The following TBC1D16 variants were observed in gnomAD, a reference collection of about 807,000 sequenced individuals.
TBC1D16 encodes TBC1 domain family member 16.
A neutral mutation model predicts 74.7 loss-of-function variants in TBC1D16; 58 were observed. That is an observed-to-expected ratio of 0.78 (90% CI 0.63 to 0.97). TBC1D16 has a LOEUF of 0.97. TBC1D16 is among the 50% of genes least tolerant of loss of function. The pLI is 0.00. For synonymous variants in TBC1D16, 493 were observed against 474.7 expected, an observed-to-expected ratio of 1.04 and a Z score of -0.50; for missense variants, 1,014 against 1,079.5, an observed-to-expected ratio of 0.94 and a Z score of 0.85.
In TBC1D16 at chr17:80,008,878, T is replaced by C. The variant is rs2035773886; in HGVS notation, c.779+1282A>G. Among the ~76,000 whole-genome samples the C allele has an allele frequency of 6.6e-6, 1 of 152,200 alleles. No individual in the cohort carries two copies. Among genetic ancestry groups the C allele is most frequent in the African/African-American group, 2.4e-5 (1 of 41,452 alleles). ...CCCCTGCTGAGGCCAGCAAAGCCTG[T>C]GTCCTTACTTCATGCCCCACCACTC... is the stretch of plus-strand genomic sequence containing the variant. On this transcript the variant is annotated intron_variant, in intron 3 of 11. Coordinates refer to ENST00000310924, the MANE Select transcript of TBC1D16 (RefSeq NM_019020.4). The surrounding 1 kb of genome is among the most constrained non-coding windows in gnomAD (Gnocchi z 4.5).
In TBC1D16 at chr17:79,934,882, A is replaced by G. The variant is rs2031488477; in HGVS notation, c.*5977T>C. The G allele has an allele frequency of 6.6e-6, 1 of 152,328 alleles. No individual in the cohort carries two copies. The highest frequency in any genetic ancestry group is 2.1e-4 in the South Asian group (1 of 4,844). 9.4% of individuals were successfully genotyped at this position (152,328 alleles called of 1,614,324 possible). A position where few individuals can be genotyped will look rare whatever the true frequency, so the allele number is the denominator to read the frequency against. ...AAAGACACACAGAGAACAACAGAAA[A>G]CAGTTGGAAACCCCAAAGGGCGCTT... On this transcript the variant is annotated 3_prime_UTR_variant, in exon 12 of 12. Transcript: ENST00000310924.
chr17:80,007,542 G>A lies in TBC1D16; in HGVS notation c.779+2618C>T, dbSNP rs568660551. ...ACGGACAGGCGGACAGGGTGTCTCA[G>A]TGGGGACTCGAGTGTCAGAGCAGAG... On this transcript the variant is annotated intron_variant, in intron 3 of 11. Transcript: ENST00000310924. The surrounding 1 kb of genome is among the most constrained non-coding windows in gnomAD (Gnocchi z 4.5). Among the ~76,000 whole-genome samples, 54 of 152,346 alleles carry A rather than the reference G, an allele frequency of 3.5e-4. No individual in the cohort carries two copies. The South Asian group carries it at 9.1e-3, about 26-fold the overall frequency.
chr17:79,965,895 C>A (rs1337954864), intron 3 of TBC1D16, among the ~76,000 whole-genome samples: 1 of 152,224 alleles, frequency 6.6e-6, no homozygotes, highest in African/African-American at 2.4e-5. Flanking sequence ...GCACTGAGCC[C>A]GCCCCACACA....
intron 3 of TBC1D16, among the ~76,000 whole-genome samples, chr17:79,973,845 A>T (rs972130997): frequency 4.6e-5 from 7 of 152,146 alleles, no homozygotes; most frequent in Non-Finnish European, 8.8e-5. Flanking sequence ...ACAGAGCAAG[A>T]CCCTGTCTCA....
intron 3 of TBC1D16, among the ~76,000 whole-genome samples, chr17:79,962,502 C>A (rs1330724142): frequency 6.6e-6 from 1 of 151,888 alleles, no homozygotes; most frequent in African/African-American, 2.4e-5. Context: ...TGTGACCCAC[C>A]ACACCCGGCC....
Position 79,971,978 on chromosome 17 carries a change from T to C in TBC1D16, c.780-19160A>G, listed in dbSNP as rs2094063988. 1.3e-5 allele frequency among the ~76,000 whole-genome samples: 2 copies of C among 151,966 alleles called. No individual in the cohort carries two copies. The highest frequency in any genetic ancestry group is 4.8e-5 in the African/African-American group (2 of 41,356). On this transcript the variant is annotated intron_variant, in intron 3 of 11. Coordinates refer to ENST00000310924, the MANE Select transcript of TBC1D16 (RefSeq NM_019020.4). This position sits in a 1 kb window ranked among gnomAD's most constrained non-coding sequence, Gnocchi z 4.6. ...GAGTGCTCTGAAAACGGCCCTGGCA[T>C]TGATTTTTAAAAAGGGTCGCTCAAA...
intron 3 of TBC1D16, among the ~76,000 whole-genome samples, chr17:80,005,282 G>A (rs998533563): frequency 2.6e-5 from 4 of 152,082 alleles, no homozygotes; most frequent in African/African-American, 9.7e-5. Context: ...ACGGGGTCTC[G>A]CTATGTTGCC....
chr17:79,953,565 G>A (rs2033184419), intron 3 of TBC1D16, among the ~76,000 whole-genome samples: 1 of 152,192 alleles, frequency 6.6e-6, no homozygotes, highest in African/African-American at 2.4e-5. Flanking sequence ...GCAAGTGGTA[G>A]AGCTGAGATT....
intron 1 of TBC1D16, among the ~76,000 whole-genome samples, chr17:80,029,920 A>G (rs929053119): frequency 2.0e-5 from 3 of 152,046 alleles, no homozygotes; most frequent in Admixed American, 6.6e-5. Context: ...TCCAGCTTCT[A>G]GAGGTCACCC....
chr17:79,986,695 G>A lies in TBC1D16; in HGVS notation c.779+23465C>T, dbSNP rs543619367. ...GGCAGAGCCACCATGGTGGGTGAAC[G>A]GGCTTCCTCTCGGAAACCAACATCC... On this transcript the variant is annotated intron_variant, in intron 3 of 11. Transcript: ENST00000310924. This position sits in a 1 kb window ranked among gnomAD's most constrained non-coding sequence, Gnocchi z 6.0. Among the ~76,000 whole-genome samples, 4 of 152,076 alleles carry A rather than the reference G, an allele frequency of 2.6e-5. No individual in the cohort carries two copies. The highest frequency in any genetic ancestry group is 7.2e-5 in the African/African-American group (3 of 41,444).
rs141710660 is a variant in TBC1D16, at chr17:79,936,909, C to CGCGTGT, written c.*3949_*3950insACACGC. On this transcript the variant is annotated 3_prime_UTR_variant, in exon 12 of 12. Coordinates refer to ENST00000310924, the MANE Select transcript of TBC1D16 (RefSeq NM_019020.4). Reference sequence around the variant, plus strand: ...GTGCATGCGTGCGTGTGTGCATGTGCGTGTGTGTGTGTGTGTGTGTGTGTG... The same window carrying CGCGTGT: ...GTGCATGCGTGCGTGTGTGCATGTGCGCGTGTGTGTGTGTGTGTGTGTGTGTGTGTG... 246 of 122,318 alleles carry CGCGTGT rather than the reference C, an allele frequency of 2.0e-3. No homozygotes were observed. Among genetic ancestry groups the CGCGTGT allele is most frequent in the African/African-American group, 5.8e-3 (216 of 37,388 alleles). The allele number at this position is 122,318 out of a possible 1,614,324, so 7.6% of individuals were successfully genotyped here. A position where few individuals can be genotyped will look rare whatever the true frequency, so the allele number is the denominator to read the frequency against.
In TBC1D16 at chr17:79,987,095, G is replaced by A. The variant is rs1261752709; in HGVS notation, c.779+23065C>T. 6.6e-6 allele frequency among the ~76,000 whole-genome samples: 1 copy of A among 152,212 alleles called. No homozygotes were observed. The highest frequency in any genetic ancestry group is 1.5e-5 in the Non-Finnish European group (1 of 68,034). Reference sequence around the variant, plus strand: ...GTCACGGGCTGTGCCCAGTGTCGCTGCCCAAGGCAGAACTGGCTGCCCACC... The same window carrying A: ...GTCACGGGCTGTGCCCAGTGTCGCTACCCAAGGCAGAACTGGCTGCCCACC... On this transcript the variant is annotated intron_variant, in intron 3 of 11. Coordinates refer to ENST00000310924, the MANE Select transcript of TBC1D16 (RefSeq NM_019020.4). The surrounding 1 kb of genome is among the most constrained non-coding windows in gnomAD (Gnocchi z 5.2).
intron 1 of TBC1D16, among the ~76,000 whole-genome samples, chr17:80,024,705 C>A (rs62647777): frequency 7.0e-6 from 1 of 143,366 alleles, no homozygotes; most frequent in Admixed American, 6.7e-5. Context: ...ATGCCACACA[C>A]GACACACCAT....
At chr17:79,984,660 A>AAGGAAGGAAG (rs2034754017) in intron 3 of TBC1D16, among the ~76,000 whole-genome samples, 3 of 75,086 alleles carry the variant, frequency 4.0e-5, no homozygotes. Flanking sequence ...AAGGAAGGAA[A>AAGGAAGGAAG]GGAGACAAAC....
In TBC1D16 at chr17:79,935,245, C is replaced by G. The variant is rs551123546; in HGVS notation, c.*5614G>C. 6.6e-6 allele frequency: 1 copy of G among 152,376 alleles called. No individual in the cohort carries two copies. The highest frequency in any genetic ancestry group is 2.4e-5 in the African/African-American group (1 of 41,590). The allele number at this position is 152,376 out of a possible 1,614,324, so 9.4% of individuals were successfully genotyped here. A position where few individuals can be genotyped will look rare whatever the true frequency, so the allele number is the denominator to read the frequency against. On this transcript the variant is annotated 3_prime_UTR_variant, in exon 12 of 12. Coordinates refer to ENST00000310924, the MANE Select transcript of TBC1D16 (RefSeq NM_019020.4). ...TTAACCGGCCCTTTCCCGAGTGAGACCCCGCGAGCACTCGTCAATTCTCCC... is the reference window on the plus strand; with the variant it reads ...TTAACCGGCCCTTTCCCGAGTGAGAGCCCGCGAGCACTCGTCAATTCTCCC...
chr17:79,992,979 G>C (rs1211488834), intron 3 of TBC1D16: 1 of 152,400 alleles, frequency 6.6e-6, no homozygotes, highest in Non-Finnish European at 1.5e-5. Context: ...GGGGACACAA[G>C]GGTGAGACGG....
chr17:79,966,249 C>T (rs2033836471), intron 3 of TBC1D16, among the ~76,000 whole-genome samples: 1 of 152,202 alleles, frequency 6.6e-6, no homozygotes, highest in Non-Finnish European at 1.5e-5. Context: ...ACACCACTCA[C>T]TGGATTAGAG....
Position 79,956,426 on chromosome 17 carries a change from G to C in TBC1D16, c.780-3608C>G, listed in dbSNP as rs1234957423. On this transcript the variant is annotated intron_variant, in intron 3 of 11. Transcript: ENST00000310924. The surrounding 1 kb of genome is among the most constrained non-coding windows in gnomAD (Gnocchi z 4.0). ...TCACCACCACATTTGGCTAATTTTT[G>C]TATTTTTTATAGAGATGGGGTTTTG... Among the ~76,000 whole-genome samples, 1 of 151,994 alleles carries C rather than the reference G, an allele frequency of 6.6e-6. No individual in the cohort carries two copies. The highest frequency in any genetic ancestry group is 1.5e-5 in the Non-Finnish European group (1 of 67,996).
chr17:79,978,474 G>C (rs1016427954), intron 3 of TBC1D16, among the ~76,000 whole-genome samples: 1 of 152,184 alleles, frequency 6.6e-6, no homozygotes, highest in Non-Finnish European at 1.5e-5. Flanking sequence ...GGGCCGTGGC[G>C]GGCGGGCAAC....
Sources: allele counts gnomAD v4.1 joint callset (sites outside exome capture counted in the v4.1 genomes callset), GRCh38; gene constraint gnomAD v4.1.1; non-coding constraint Gnocchi (gnomAD v3.1); transcripts MANE v1.5; gene names NCBI Gene and HGNC (gene_info 2026-07-23, HGNC 2026-07-21).